Variants in ZNF569 observed in about 807,000 individuals in gnomAD.
ZNF569 encodes DNA-binding protein.
Under a neutral mutation model 56.3 loss-of-function variants are expected in ZNF569, and 38 were observed. That is an observed-to-expected ratio of 0.68 (90% CI 0.52 to 0.88). ZNF569 has a LOEUF of 0.88. Among genes scored for constraint, ZNF569 ranks in the 40% least tolerant of loss-of-function variants. The pLI, the probability that ZNF569 is intolerant of heterozygous loss-of-function variation, is 0.00. For missense variants in ZNF569, 666 were observed against 809.2 expected (o/e 0.82, Z 2.15); for synonymous variants, 241 against 262.9 (o/e 0.92, Z 0.81).
At chr19:37,432,011 C>T (rs1217905421) in intron 3 of ZNF569, among the ~76,000 whole-genome samples, 5 of 152,108 alleles carry the variant, frequency 3.3e-5, no homozygotes, top group East Asian at 1.9e-4. Context: ...GTCCAGCCAC[C>T]GTAGAATACC....
At chr19:37,463,450 T>TA (rs1203498476) in intron 2 of ZNF569, among the ~76,000 whole-genome samples, 1 of 152,236 alleles carries the variant, frequency 6.6e-6, no homozygotes, top group Non-Finnish European at 1.5e-5. Flanking sequence ...ACTGCACTGA[T>TA]AGTGGTATAA....
At chr19:37,434,336 C>T (rs2041274246) in intron 3 of ZNF569, among the ~76,000 whole-genome samples, 2 of 150,470 alleles carry the variant, frequency 1.3e-5, no homozygotes, top group African/African-American at 4.9e-5. Context: ...GAAGATGAAT[C>T]AATATAAATA....
intron 3 of ZNF569, among the ~76,000 whole-genome samples, chr19:37,434,289 G>A (rs1423425560): frequency 1.4e-5 from 2 of 142,716 alleles, no homozygotes; most frequent in African/African-American, 5.2e-5. Context: ...ACAAGAGCGA[G>A]ACTCTGTCTC....
At chr19:37,444,633 G>A (rs1379367890) in intron 3 of ZNF569, among the ~76,000 whole-genome samples, 1 of 151,944 alleles carries the variant, frequency 6.6e-6, no homozygotes, top group Admixed American at 6.6e-5. Context: ...ATTTTTTATT[G>A]TTACAATGAA....
chr19:37,444,978 TA>T lies in ZNF569; in HGVS notation c.-43-15del, dbSNP rs778639784. On this transcript the variant is annotated splice_polypyrimidine_tract_variant and intron_variant, in intron 2 of 5. Coordinates refer to ENST00000316950, the MANE Select transcript of ZNF569 (RefSeq NM_152484.3). ...GCAGAAGTAGAGCTGGGGAAGAGAA[TA>T]AAAGTCATTAAAATAGGCCTGTCTT... 66 of 1,589,460 alleles carry T rather than the reference TA, an allele frequency of 4.2e-5. No individual in the cohort carries two copies. The highest frequency in any genetic ancestry group is 5.6e-5 in the Non-Finnish European group (66 of 1,170,652).
In ZNF569 at chr19:37,414,296, T is replaced by C; in HGVS notation, c.362A>G (p.Asn121Ser). 1 of 1,613,710 alleles carries C rather than the reference T, an allele frequency of 6.2e-7. No homozygotes were observed. Among genetic ancestry groups the C allele is most frequent in the Non-Finnish European group, 8.5e-7 (1 of 1,179,796 alleles). ...KGNECQKKFA[N>S]VFPLNSDFFP... ...AAAATCAGAGTTCAGAGGAAATACA[T>C]TTGCAAATTTCTTTTGACATTCATT... Residue 121 changes from asparagine (N) to serine (S), a missense_variant, in exon 6 of 6, where the codon AAT (asparagine) becomes AGT (serine). Transcript: ENST00000316950.
At chr19:37,437,015 CA>C (rs368735580) in intron 3 of ZNF569, among the ~76,000 whole-genome samples, 164 of 100,138 alleles carry the variant, frequency 1.6e-3, no homozygotes, top group East Asian at 3.1e-3. Context: ...CAAGACACAT[CA>C]AAAAAAAAAA....
intron 2 of ZNF569, among the ~76,000 whole-genome samples, chr19:37,445,963 A>G (rs1470577181): frequency 6.6e-6 from 1 of 152,138 alleles, no homozygotes; most frequent in Non-Finnish European, 1.5e-5. Context: ...TAAAAATCAT[A>G]TGGAACCAAA....
chr19:37,414,411 A>G lies in ZNF569; in HGVS notation c.247T>C (p.Trp83Arg), dbSNP rs1173474162. 6.3e-7 allele frequency: 1 copy of G among 1,576,036 alleles called. No individual in the cohort carries two copies. Among genetic ancestry groups the G allele is most frequent in the South Asian group, 1.2e-5 (1 of 83,880 alleles). The change falls in exon 6 of 6, where the codon TGG becomes CGG. Residue 83 changes from tryptophan (W) to arginine (R), a missense_variant. Trp to Arg is a moderately radical substitution (Grantham distance 101). Transcript: ENST00000316950. ...VLRRHWQGEI[W>R]GVDEHQKNQD... is the part of the protein sequence containing the mutation. Reference sequence around the variant, plus strand: ...TTTTTCTGATGCTCATCAACTCCCCATATTTCTCCTAAAACAGATTGCAAA... The same window carrying G: ...TTTTTCTGATGCTCATCAACTCCCCGTATTTCTCCTAAAACAGATTGCAAA...
chr19:37,434,538 A>T (rs534214736), intron 3 of ZNF569, among the ~76,000 whole-genome samples: 1 of 152,220 alleles, frequency 6.6e-6, no homozygotes, highest in South Asian at 2.1e-4. Context: ...AATACAAAAA[A>T]ATTAGCTGGG....
chr19:37,418,697 A>C (rs929647402), intron 5 of ZNF569, among the ~76,000 whole-genome samples: 1 of 152,178 alleles, frequency 6.6e-6, no homozygotes, highest in Non-Finnish European at 1.5e-5. Flanking sequence ...GGAAGTCTGT[A>C]AGGCAAACAA....
intron 5 of ZNF569, among the ~76,000 whole-genome samples, chr19:37,417,955 G>A (rs1360932474): frequency 6.6e-6 from 1 of 151,904 alleles, no homozygotes; most frequent in East Asian, 1.9e-4. Flanking sequence ...ACAAAAATTA[G>A]CCAGGCATGG....
At chr19:37,469,031 A>C, upstream of ZNF569, 4 of 988,490 alleles carry the variant, frequency 4.0e-6, no homozygotes, top group Non-Finnish European at 4.8e-6. Flanking sequence ...CTGGTTGCTA[A>C]GGGAGGCGCG....
chr19:37,413,595 T>C lies in ZNF569; in HGVS notation c.1063A>G (p.Lys355Glu). 6.2e-7 allele frequency: 1 copy of C among 1,613,714 alleles called. No individual in the cohort carries two copies. Residue 355 changes from lysine to glutamate, a missense_variant, in exon 6 of 6, where the codon AAA becomes GAA. Transcript: ENST00000316950. ...AAGGCTTTACCACATTTATCACATT[T>C]ATAAGGTTTTTCTCCTGTATGACTT... ...MRSHTGEKPYKCDKCGKAFSQ... is the reference protein window; with the variant it reads ...MRSHTGEKPYECDKCGKAFSQ...
At chr19:37,426,546 T>C (rs2041136866) in intron 3 of ZNF569, among the ~76,000 whole-genome samples, 168 bp from the exon 4 acceptor site, 1 of 152,256 alleles carries the variant, frequency 6.6e-6, no homozygotes, top group Non-Finnish European at 1.5e-5. Flanking sequence ...CACATGTCTT[T>C]AATATCTACC....
At chr19:37,419,269 A>G (rs1465029177) in intron 5 of ZNF569, among the ~76,000 whole-genome samples, 1 of 152,198 alleles carries the variant, frequency 6.6e-6, no homozygotes, top group Non-Finnish European at 1.5e-5. Flanking sequence ...ATCTTGACTA[A>G]ATATATTACA....
chr19:37,418,101 A>AAAT (rs199794961), intron 5 of ZNF569, among the ~76,000 whole-genome samples: 31,993 of 143,044 alleles, frequency 0.22, 4,329 homozygotes, highest in African/African-American at 0.39. Flanking sequence ...ACTCCATCTC[A>AAAT]AATAATAATA....
chr19:37,450,926 G>C (rs2041581310), intron 2 of ZNF569, among the ~76,000 whole-genome samples: 1 of 151,966 alleles, frequency 6.6e-6, no homozygotes, highest in Admixed American at 6.6e-5. Flanking sequence ...TGGATTTCTT[G>C]GTTTTCCTTG....
intron 3 of ZNF569, among the ~76,000 whole-genome samples, chr19:37,439,810 G>A (rs994419027): frequency 1.3e-5 from 2 of 152,102 alleles, no homozygotes; most frequent in Non-Finnish European, 2.9e-5. Context: ...GACACAGAAC[G>A]ACAAAGCTCA....
Sources: allele counts gnomAD v4.1 joint callset (sites outside exome capture counted in the v4.1 genomes callset), GRCh38; gene constraint gnomAD v4.1.1; transcripts MANE v1.5; gene names NCBI Gene and HGNC (gene_info 2026-07-23, HGNC 2026-07-21).